DISC1: variants seen among roughly 807,000 people sequenced by gnomAD.
DISC1 encodes the protein disrupted in schizophrenia 1 protein.
Under a neutral mutation model 84.5 loss-of-function variants are expected in DISC1, and 57 were observed. The observed-to-expected ratio is 0.67, with a 90% CI of 0.55 to 0.84. The LOEUF (loss-of-function observed/expected upper bound fraction) is 0.84, where lower values mean the gene tolerates loss of function less well. Among genes scored for constraint, DISC1 ranks in the 40% least tolerant of loss-of-function variants. The probability of loss-of-function intolerance (pLI) is 0.00; values close to 1 mark genes in which losing one functional copy is unlikely to be tolerated. For missense variants in DISC1, 1,000 were observed against 1,057.8 expected (o/e 0.95, Z 0.76); for synonymous variants, 411 against 415.2 (o/e 0.99, Z 0.12).
chr1:231,908,568 T>C (rs558468583), intron 9 of DISC1, among the ~76,000 whole-genome samples: 1 of 151,474 alleles, frequency 6.6e-6, no homozygotes, highest in East Asian at 1.9e-4. Context: ...ATGCTGTTAC[T>C]GTAGCCTTGT....
rs920862519 is a variant in DISC1 at position 232,038,164 on chromosome 1, T to A, written c.*1333T>A. 1 of 152,070 alleles carries A rather than the reference T, an allele frequency of 6.6e-6. No individual in the cohort carries two copies. Among genetic ancestry groups the A allele is most frequent in the African/African-American group, 2.4e-5 (1 of 41,378 alleles). The allele number at this position is 152,070 out of a possible 1,614,324, so 9.4% of individuals were successfully genotyped here. A position where few individuals can be genotyped will look rare whatever the true frequency, so the allele number is the denominator to read the frequency against. On this transcript the variant is annotated 3_prime_UTR_variant, in exon 13 of 13. Coordinates refer to ENST00000439617, the MANE Select transcript of DISC1 (RefSeq NM_018662.3). ...CAGTGTAGTGCTCAGTAGGACAGCA[T>A]AGTACTCAGTAACACAGGGCAGCTA... is the stretch of plus-strand genomic sequence containing the variant.
intron 1 of DISC1, among the ~76,000 whole-genome samples, chr1:231,651,818 G>T (rs1210763886): frequency 6.6e-6 from 1 of 152,250 alleles, no homozygotes; most frequent in Non-Finnish European, 1.5e-5. Flanking sequence ...CCTCTGCCAG[G>T]CTGTTGCCTC....
intron 12 of DISC1, among the ~76,000 whole-genome samples, chr1:232,027,793 C>CTT (rs1553425062): frequency 7.0e-6 from 1 of 143,346 alleles, no homozygotes; most frequent in Non-Finnish European, 1.5e-5. Flanking sequence ...ACTTTATGGG[C>CTT]TGTGTGTGTG....
At chr1:231,949,893 G>C (rs906696238) in intron 9 of DISC1, among the ~76,000 whole-genome samples, 2 of 152,188 alleles carry the variant, frequency 1.3e-5, no homozygotes, top group Non-Finnish European at 2.9e-5. Flanking sequence ...TGTAAAAACA[G>C]AGCCTTTGGC....
chr1:231,797,603 C>T (rs971001384), intron 7 of DISC1, among the ~76,000 whole-genome samples: 1 of 152,246 alleles, frequency 6.6e-6, no homozygotes, highest in South Asian at 2.1e-4. Flanking sequence ...ATGGGGGCCC[C>T]ACCTTCATGA....
chr1:231,959,144 G>A, intron 10 of DISC1: 1 of 1,158,898 alleles, frequency 8.6e-7, no homozygotes, highest in East Asian at 4.9e-5. Context: ...TGTTCCATAA[G>A]AGAAGAATCT....
intron 9 of DISC1, among the ~76,000 whole-genome samples, chr1:231,873,695 C>G (rs9432029): frequency 0.5 from 75,899 of 151,988 alleles, 19,101 homozygotes; most frequent in African/African-American, 0.53. Context: ...TAGATCATTC[C>G]CGCAGAGCCA....
chr1:231,661,538 A>G (rs1270758066), intron 1 of DISC1, among the ~76,000 whole-genome samples: 2 of 152,070 alleles, frequency 1.3e-5, no homozygotes, highest in South Asian at 2.1e-4. Context: ...CTATTCTGCT[A>G]TTGATACTTG....
At chr1:231,883,728 A>G (rs1311183692) in intron 9 of DISC1, among the ~76,000 whole-genome samples, 2 of 152,116 alleles carry the variant, frequency 1.3e-5, no homozygotes, top group East Asian at 1.9e-4. Context: ...GGATTTCAGG[A>G]TGAGTCTCAC....
chr1:231,756,321 G>T (rs2125360287), intron 4 of DISC1, among the ~76,000 whole-genome samples: 1 of 152,166 alleles, frequency 6.6e-6, no homozygotes, highest in East Asian at 1.9e-4. Context: ...AAATACATCT[G>T]TTTTCTTGAA....
At position 231,698,182 on chromosome 1, in the gene DISC1, C is replaced by T. The variant is rs1014174299; in HGVS notation, c.1047+3377C>T. ...TGACCGATGGAGGAAGGTGTTGTGA[C>T]CAGGGGTTCACAGGAACCTACCCTG... On this transcript the variant is annotated intron_variant, in intron 2 of 12. Transcript: ENST00000439617. The surrounding 1 kb of genome is among the most constrained non-coding windows in gnomAD (Gnocchi z 4.9). Among the ~76,000 whole-genome samples the T allele has an allele frequency of 1.3e-5, 2 of 152,170 alleles. No homozygotes were observed. The highest frequency in any genetic ancestry group is 2.9e-5 in the Non-Finnish European group (2 of 68,030).
chr1:231,883,120 G>A (rs1221069812), intron 9 of DISC1, among the ~76,000 whole-genome samples: 2 of 152,052 alleles, frequency 1.3e-5, no homozygotes, highest in African/African-American at 4.8e-5. Flanking sequence ...TGCAAGCGAA[G>A]GGCAACAGAT....
chr1:231,933,277 T>C (rs1023346927), intron 9 of DISC1, among the ~76,000 whole-genome samples: 7 of 152,216 alleles, frequency 4.6e-5, no homozygotes, highest in African/African-American at 1.7e-4. Flanking sequence ...CAGGCTATGC[T>C]AGATTAACTT....
intron 9 of DISC1, among the ~76,000 whole-genome samples, chr1:231,919,330 T>G (rs1351421407): frequency 6.6e-6 from 1 of 152,240 alleles, no homozygotes; most frequent in Non-Finnish European, 1.5e-5. Flanking sequence ...TCAGCTGTAA[T>G]AGTCAAAAAC....
intron 12 of DISC1, among the ~76,000 whole-genome samples, 188 bp from the exon 13 acceptor site, chr1:232,036,504 C>A (rs1021822796): frequency 3.3e-5 from 5 of 152,072 alleles, no homozygotes; most frequent in Non-Finnish European, 5.9e-5. Context: ...GTAGAAATTG[C>A]GGTCATTCTA....
chr1:231,793,386 T>G (rs115093780), intron 6 of DISC1, among the ~76,000 whole-genome samples: 34 of 152,362 alleles, frequency 2.2e-4, no homozygotes, highest in Admixed American at 6.5e-4. Context: ...AACCATGTCT[T>G]CATGCTCTAA....
At chr1:231,978,896 T>C (rs1663196800) in intron 10 of DISC1, among the ~76,000 whole-genome samples, 1 of 152,190 alleles carries the variant, frequency 6.6e-6, no homozygotes, top group Non-Finnish European at 1.5e-5. Flanking sequence ...CCCCGGGCCA[T>C]GGACCAGTAC....
chr1:231,650,926 G>A (rs540299709), intron 1 of DISC1, among the ~76,000 whole-genome samples: 1 of 151,970 alleles, frequency 6.6e-6, no homozygotes, highest in Non-Finnish European at 1.5e-5. Context: ...TTCATTTATG[G>A]TCTTCTCTAC....
intron 10 of DISC1, among the ~76,000 whole-genome samples, chr1:231,964,510 G>A (rs1359636294): frequency 1.3e-5 from 2 of 152,226 alleles, no homozygotes; most frequent in Non-Finnish European, 2.9e-5. Flanking sequence ...CTGGTATGGT[G>A]TAAACAATGG....
Sources: allele counts gnomAD v4.1 joint callset (sites outside exome capture counted in the v4.1 genomes callset), GRCh38; gene constraint gnomAD v4.1.1; non-coding constraint Gnocchi (gnomAD v3.1); transcripts MANE v1.5; gene names NCBI Gene and HGNC (gene_info 2026-07-23, HGNC 2026-07-21).